Variants in INTS6 observed in about 807,000 individuals in gnomAD.
INTS6 encodes the protein DEAD box protein.
Under a neutral mutation model 104.9 loss-of-function variants are expected in INTS6, and 16 were observed. The ratio of observed to expected loss-of-function variants is 0.15; its 90% confidence interval spans 0.10 to 0.23. The LOEUF (loss-of-function observed/expected upper bound fraction) is 0.23. INTS6 is among the 10% of genes least tolerant of loss of function. INTS6 has a pLI of 1.00. For synonymous variants in INTS6, 324 were observed against 358.7 expected, an observed-to-expected ratio of 0.90 and a Z score of 1.09; for missense variants, 584 against 1,062.8, an observed-to-expected ratio of 0.55 and a Z score of 6.26.
At chr13:51,353,875 C>CT (rs1419230353), downstream of INTS6, among the ~76,000 whole-genome samples, 1 of 152,000 alleles carries the variant, frequency 6.6e-6, no homozygotes, top group Non-Finnish European at 1.5e-5. Context: ...CCATTTTGAT[C>CT]TTTTTTATTT....
chr13:51,406,643 C>T (rs1956572871), intron 4 of INTS6, among the ~76,000 whole-genome samples: 1 of 152,120 alleles, frequency 6.6e-6, no homozygotes, highest in South Asian at 2.1e-4. Context: ...CCTCCACCCC[C>T]TACCTCTAAA....
At chr13:51,373,991 C>T (rs769781095) in intron 15 of INTS6, among the ~76,000 whole-genome samples, 1 of 152,126 alleles carries the variant, frequency 6.6e-6, no homozygotes, top group Non-Finnish European at 1.5e-5. Context: ...TATGTTAGAA[C>T]ATAATAGCTA....
Position 51,452,395 on chromosome 13 carries a change from CG to C in INTS6, c.111+19del. 1 of 1,545,974 alleles carries C rather than the reference CG, an allele frequency of 6.5e-7. No individual in the cohort carries two copies. The highest frequency in any genetic ancestry group is 8.7e-7 in the Non-Finnish European group (1 of 1,147,374). On this transcript the variant is annotated intron_variant, in intron 1 of 17. Transcript: ENST00000311234. The surrounding 1 kb of genome is among the most constrained non-coding windows in gnomAD (Gnocchi z 4.2). ...GGGCCGCCGGGCCGGGGTCGCCGCC[CG>C]GGCTCGGTCAGTCGGTACCTTCATG...
downstream of INTS6, among the ~76,000 whole-genome samples, chr13:51,356,565 G>C (rs573180262): frequency 6.6e-6 from 1 of 152,064 alleles, no homozygotes; most frequent in South Asian, 2.1e-4. Flanking sequence ...TGAATCACTA[G>C]GGCTTACTGA....
At chr13:51,344,041 TG>T in the INTS6 span, among the ~76,000 whole-genome samples, 4 of 152,234 alleles carry the variant, frequency 2.6e-5, no homozygotes, top group Non-Finnish European at 5.9e-5. Flanking sequence ...ATATCTAGCA[TG>T]GTTTCTTCCC....
chr13:51,341,103 C>T, the INTS6 span: 1 of 1,613,930 alleles, frequency 6.2e-7, no homozygotes, highest in Non-Finnish European at 8.5e-7. Context: ...TGCCGCCTTT[C>T]CTGATCACCC....
At chr13:51,357,738 GATGCCAGCTA>G (rs1428325565), downstream of INTS6, among the ~76,000 whole-genome samples, 1 of 151,820 alleles carries the variant, frequency 6.6e-6, no homozygotes, top group Non-Finnish European at 1.5e-5. Flanking sequence ...TCACACTGAA[GATGCCAGCTA>G]AAGATACTCT....
At chr13:51,451,815 G>C (rs1482708290) in intron 2 of INTS6, among the ~76,000 whole-genome samples, 163 bp downstream of exon 2, 4 of 150,424 alleles carry the variant, frequency 2.7e-5, no homozygotes, top group African/African-American at 4.9e-5. Flanking sequence ...ACGCTGCCGA[G>C]CGGGGGAGGG....
intron 3 of INTS6, among the ~76,000 whole-genome samples, chr13:51,431,465 T>C (rs1217432837): frequency 2.0e-5 from 3 of 152,176 alleles, no homozygotes; most frequent in South Asian, 2.1e-4. Flanking sequence ...AAGACACTAA[T>C]AGCCACAGAC....
intron 4 of INTS6, among the ~76,000 whole-genome samples, chr13:51,396,093 G>A (rs1298696182): frequency 6.6e-6 from 1 of 151,682 alleles, no homozygotes; most frequent in African/African-American, 2.4e-5. Flanking sequence ...CACCATGCCC[G>A]GTCTTATTAT....
chr13:51,447,172 T>C (rs763164078), intron 3 of INTS6: 2 of 152,230 alleles, frequency 1.3e-5, no homozygotes, highest in Non-Finnish European at 2.9e-5. Flanking sequence ...TTTGAAAAGA[T>C]GTCTATAGCT....
intron 10 of INTS6, among the ~76,000 whole-genome samples, chr13:51,380,547 A>G (rs1171303758): frequency 6.6e-6 from 1 of 152,144 alleles, no homozygotes; most frequent in Non-Finnish European, 1.5e-5. Flanking sequence ...TCTACTTGCC[A>G]GGCACTGTGT....
intron 4 of INTS6, among the ~76,000 whole-genome samples, chr13:51,423,381 A>C (rs1305756053): frequency 6.6e-6 from 1 of 151,906 alleles, no homozygotes; most frequent in South Asian, 2.1e-4. Context: ...TGGACATCCA[A>C]ATCAGGAATT....
Position 51,364,390 on chromosome 13 carries a change from G to A in INTS6, c.*1362C>T. On this transcript the variant is annotated 3_prime_UTR_variant, in exon 18 of 18. Coordinates refer to ENST00000311234, the MANE Select transcript of INTS6 (RefSeq NM_012141.3). ...GTCTGATAAAGTGTAAAAAGCTAAG[G>A]GTATGTGATTTTCAATATTATAAAC... The A allele has an allele frequency of 5.1e-6, 3 of 585,412 alleles. No individual in the cohort carries two copies. Among genetic ancestry groups the A allele is most frequent in the Non-Finnish European group, 5.7e-6 (2 of 350,792 alleles). The allele number at this position is 585,412 out of a possible 1,614,324, so 36.3% of individuals were successfully genotyped here.
intron 15 of INTS6, among the ~76,000 whole-genome samples, chr13:51,374,005 A>T: frequency 6.6e-6 from 1 of 152,346 alleles, no homozygotes; most frequent in East Asian, 1.9e-4. Context: ...ATAGCTAATA[A>T]AGCATCATAA....
At chr13:51,419,651 G>A (rs942852730) in intron 4 of INTS6, among the ~76,000 whole-genome samples, 1 of 152,010 alleles carries the variant, frequency 6.6e-6, no homozygotes, top group African/African-American at 2.4e-5. Context: ...TGCCATAACT[G>A]TACCTCTCAT....
intron 3 of INTS6, among the ~76,000 whole-genome samples, chr13:51,355,435 AGT>A (rs1292630771): frequency 3.3e-5 from 5 of 152,062 alleles, no homozygotes; most frequent in Non-Finnish European, 7.4e-5. Context: ...CATGACTAGG[AGT>A]GTACCCAAGG....
Position 51,452,595 on chromosome 13 carries a change from T to C in INTS6, c.-70A>G. On this transcript the variant is annotated 5_prime_UTR_variant, in exon 1 of 18. Transcript: ENST00000311234. This position sits in a 1 kb window ranked among gnomAD's most constrained non-coding sequence, Gnocchi z 4.2. Reference sequence around the variant, plus strand: ...GAGATGGTAGAGGTGGAGGCGCCGGTGGCGGCGACCGCCGCTACGCGGGGC... The same window carrying C: ...GAGATGGTAGAGGTGGAGGCGCCGGCGGCGGCGACCGCCGCTACGCGGGGC... The C allele has an allele frequency of 6.4e-7, 1 of 1,553,746 alleles. No homozygotes were observed. Among genetic ancestry groups the C allele is most frequent in the Non-Finnish European group, 8.7e-7 (1 of 1,144,704 alleles).
intron 11 of INTS6, among the ~76,000 whole-genome samples, chr13:51,378,976 T>G (rs569851071): frequency 6.6e-6 from 1 of 152,160 alleles, no homozygotes; most frequent in East Asian, 1.9e-4. Context: ...TCATAGGACA[T>G]TAATAATTTC....
Sources: gnomAD v4.1 joint callset for allele counts (sites outside exome capture counted in the v4.1 genomes callset) on GRCh38, gnomAD v4.1.1 for gene constraint, Gnocchi (gnomAD v3.1) non-coding constraint, MANE v1.5 for transcripts, NCBI Gene and HGNC (gene_info 2026-07-23, HGNC 2026-07-21) for gene names.